The following OR51B5 variants were observed in gnomAD, a reference collection of about 807,000 sequenced individuals.
OR51B5 encodes the protein olfactory receptor 51B5.
For missense variants in OR51B5, 456 were observed against 374.6 expected, an observed-to-expected ratio of 1.22 and a Z score of -1.79; for synonymous variants, 186 against 144.8, an observed-to-expected ratio of 1.28 and a Z score of -2.04.
intron 1 of OR51B5, among the ~76,000 whole-genome samples, chr11:5,443,865 A>G (rs995866900): frequency 6.9e-6 from 1 of 145,628 alleles, no homozygotes; most frequent in African/African-American, 2.5e-5. Context: ...TATCATGAGC[A>G]CACACACACA....
chr11:5,421,336 G>T (rs1488016925), intron 1 of OR51B5, among the ~76,000 whole-genome samples: 2 of 152,330 alleles, frequency 1.3e-5, no homozygotes, highest in Admixed American at 1.3e-4. Context: ...GGTGACGAGG[G>T]TACCTCCAAG....
intron 1 of OR51B5, among the ~76,000 whole-genome samples, chr11:5,395,525 A>G (rs1163596264): frequency 6.6e-6 from 1 of 152,218 alleles, no homozygotes; most frequent in Non-Finnish European, 1.5e-5. Context: ...TGGGGAAGAC[A>G]GATCTGGACT....
upstream of OR51B5, among the ~76,000 whole-genome samples, chr11:5,344,284 G>A (rs1227501861): frequency 6.6e-6 from 1 of 152,212 alleles, no homozygotes; most frequent in African/African-American, 2.4e-5. Context: ...TTATAATAGT[G>A]TATCTCCTTC....
chr11:5,475,438 G>A (rs1199155360), intron 1 of OR51B5, among the ~76,000 whole-genome samples: 2 of 151,998 alleles, frequency 1.3e-5, no homozygotes, highest in East Asian at 1.9e-4. Context: ...ACATGTCCTG[G>A]AAGCTTTTCC....
intron 1 of OR51B5, among the ~76,000 whole-genome samples, chr11:5,363,166 T>A (rs1849310748): frequency 6.6e-6 from 1 of 151,598 alleles, no homozygotes; most frequent in South Asian, 2.1e-4. Context: ...ACGAACAGAA[T>A]GATTAGTCTG....
intron 1 of OR51B5, among the ~76,000 whole-genome samples, chr11:5,399,711 G>T (rs548738460): frequency 6.6e-6 from 1 of 151,118 alleles, no homozygotes; most frequent in Admixed American, 6.6e-5. Flanking sequence ...CTTTCAAGGA[G>T]ATCTGACCCT....
chr11:5,350,249 C>G (rs1444420058), intron 1 of OR51B5, among the ~76,000 whole-genome samples: 1 of 152,190 alleles, frequency 6.6e-6, no homozygotes, highest in East Asian at 1.9e-4. Flanking sequence ...GATTAAATTA[C>G]TTTCCCAAGA....
chr11:5,360,560 A>C (rs1849267709), intron 1 of OR51B5, among the ~76,000 whole-genome samples: 1 of 152,002 alleles, frequency 6.6e-6, no homozygotes, highest in Non-Finnish European at 1.5e-5. Context: ...AAACTAGTTC[A>C]ACCATTGTGG....
intron 1 of OR51B5, among the ~76,000 whole-genome samples, chr11:5,401,027 A>C (rs533861509): frequency 3.3e-5 from 5 of 152,188 alleles, no homozygotes; most frequent in Admixed American, 6.5e-5. Context: ...AGTTGAAAAC[A>C]ATCTTCAGAG....
intron 1 of OR51B5, chr11:5,351,974 C>T (rs759105688): frequency 1.2e-6 from 2 of 1,613,194 alleles, no homozygotes; most frequent in Admixed American, 1.7e-5. Flanking sequence ...TCCATTATGC[C>T]AATAGTTGTT....
intron 1 of OR51B5, among the ~76,000 whole-genome samples, chr11:5,374,589 A>C (rs923478430): frequency 6.6e-6 from 1 of 152,212 alleles, no homozygotes; most frequent in Non-Finnish European, 1.5e-5. Context: ...TTTGAAAAAA[A>C]ATTTAGATGA....
chr11:5,452,198 G>T (rs1454185263), intron 1 of OR51B5, among the ~76,000 whole-genome samples: 1 of 152,102 alleles, frequency 6.6e-6, no homozygotes, highest in Non-Finnish European at 1.5e-5. Flanking sequence ...AGATCTACAT[G>T]TTAAATGGTA....
At position 5,496,931 on chromosome 11, in the gene OR51B5, T is replaced by A. The variant is rs75095963; in HGVS notation, n.84+8638A>T. Among the ~76,000 whole-genome samples, 912 of 152,270 alleles carry A rather than the reference T, an allele frequency of 6.0e-3. 7 individuals carry two copies. The highest frequency in any genetic ancestry group is 0.021 in the African/African-American group (870 of 41,530). On this transcript the variant is annotated intron_variant and non_coding_transcript_variant, in intron 1 of 4. Coordinates refer to the OR51B5 transcript ENST00000415970. The stretch of plus-strand genomic sequence containing the variant: ...GACAGCACTTCATTAGAGTCAATGC[T>A]GCTGGGACCAGTGGCACCTTCTCTG...
chr11:5,392,937 TA>T (rs1249227447), intron 1 of OR51B5: 3 of 138,070 alleles, frequency 2.2e-5, no homozygotes, highest in Non-Finnish European at 3.2e-5. Flanking sequence ...GAAAAATAAA[TA>T]AATATCTGTG....
intron 1 of OR51B5, among the ~76,000 whole-genome samples, chr11:5,474,218 T>G (rs1296614035): frequency 6.6e-6 from 1 of 152,144 alleles, no homozygotes. Flanking sequence ...ATGAAATATC[T>G]GAAATTCAAA....
chr11:5,352,667 T>G (rs1849117679), intron 1 of OR51B5, among the ~76,000 whole-genome samples: 1 of 152,076 alleles, frequency 6.6e-6, no homozygotes. Context: ...AGTACATATC[T>G]CAGTGCTCAA....
chr11:5,500,136 A>G (rs1485179274), intron 1 of OR51B5, among the ~76,000 whole-genome samples: 3 of 152,176 alleles, frequency 2.0e-5, no homozygotes, highest in Admixed American at 6.5e-5. Flanking sequence ...TATGGAAGCA[A>G]TGGGGATCTA....
chr11:5,349,590 T>C (rs1340729607), intron 1 of OR51B5, among the ~76,000 whole-genome samples: 4 of 152,196 alleles, frequency 2.6e-5, no homozygotes, highest in African/African-American at 9.7e-5. Flanking sequence ...GTGATAGATA[T>C]ATTAATTAGT....
intron 1 of OR51B5, among the ~76,000 whole-genome samples, chr11:5,349,792 C>T (rs1471693300): frequency 2.6e-5 from 4 of 151,904 alleles, no homozygotes; most frequent in African/African-American, 9.7e-5. Context: ...GTTGCTTTCC[C>T]CTCTACTTCC....
Sources: allele counts gnomAD v4.1 joint callset (sites outside exome capture counted in the v4.1 genomes callset), GRCh38; gene constraint gnomAD v4.1.1; transcripts MANE v1.5; gene names NCBI Gene and HGNC (gene_info 2026-07-23, HGNC 2026-07-21).